CACNA2D3: variants seen among roughly 807,000 people sequenced by gnomAD.
The protein encoded by CACNA2D3 is calcium voltage-gated channel auxiliary subunit alpha2delta 3.
Under a neutral mutation model 160.6 loss-of-function variants are expected in CACNA2D3, and 60 were observed. The ratio of observed to expected loss-of-function variants is 0.37; its 90% CI spans 0.30 to 0.46. The LOEUF (loss-of-function observed/expected upper bound fraction) is 0.46. CACNA2D3 is among the 20% of genes least tolerant of loss of function. The pLI is 1.00. For missense variants in CACNA2D3, 1,205 were observed against 1,365.0 expected (o/e 0.88, Z 1.85); for synonymous variants, 558 against 492.9 (o/e 1.13, Z -1.75).
intron 29 of CACNA2D3, among the ~76,000 whole-genome samples, chr3:54,978,376 T>C (rs999223698): frequency 2.6e-5 from 4 of 152,136 alleles, no homozygotes; most frequent in African/African-American, 7.2e-5. Flanking sequence ...TTCAAGCTGA[T>C]AGGGGCAATG....
chr3:55,066,103 G>A (rs1258800443), intron 35 of CACNA2D3, among the ~76,000 whole-genome samples: 10 of 152,276 alleles, frequency 6.6e-5, no homozygotes, highest in Non-Finnish European at 1.5e-4. Context: ...TCCATGTAGG[G>A]AAACCTGGTG....
chr3:54,370,294 G>A (rs1401926280), intron 3 of CACNA2D3, among the ~76,000 whole-genome samples: 1 of 152,176 alleles, frequency 6.6e-6, no homozygotes, highest in Non-Finnish European at 1.5e-5. Flanking sequence ...TATTCACAAT[G>A]TAACACGCTT....
chr3:54,769,412 T>A (rs1417282929), intron 13 of CACNA2D3, among the ~76,000 whole-genome samples: 1 of 152,214 alleles, frequency 6.6e-6, no homozygotes, highest in African/African-American at 2.4e-5. Context: ...CTCTGGATTT[T>A]TTTTTAAGCA....
intron 15 of CACNA2D3, among the ~76,000 whole-genome samples, chr3:54,837,749 T>C (rs1374139771): frequency 6.6e-6 from 1 of 152,160 alleles, no homozygotes; most frequent in Non-Finnish European, 1.5e-5. Context: ...GCAGTGTCAC[T>C]CCAATCTCTG....
intron 4 of CACNA2D3, among the ~76,000 whole-genome samples, chr3:54,442,835 G>C (rs78046171): frequency 6.6e-6 from 1 of 152,150 alleles, no homozygotes; most frequent in African/African-American, 2.4e-5. Context: ...GAAACAGAGG[G>C]TCCTGTCGTA....
chr3:54,563,943 C>T (rs572169994), intron 6 of CACNA2D3, among the ~76,000 whole-genome samples: 2 of 152,282 alleles, frequency 1.3e-5, no homozygotes, highest in African/African-American at 4.8e-5. Context: ...TTCAGCATGG[C>T]ACACGTGCTT....
Position 54,478,660 on chromosome 3 carries a change from G to GTGTATGTATATATATATATA in CACNA2D3, c.382-24831_382-24830insGTATGTATATATATATATAT. Among the ~76,000 whole-genome samples, 8 of 36,384 alleles carry GTGTATGTATATATATATATA rather than the reference G, an allele frequency of 2.2e-4. 2 individuals are homozygous for GTGTATGTATATATATATATA. The highest frequency in any genetic ancestry group is 7.5e-4 in the Admixed American group (2 of 2,654). 23.9% of individuals were successfully genotyped at this position (36,384 alleles called of 152,430 possible). On this transcript the variant is annotated intron_variant, in intron 4 of 37. Transcript: ENST00000474759. ...AAAATATATATATAAATATGTGTGT[G>GTGTATGTATATATATATATA]TATATATATATATATATATTGCTTG...
At chr3:54,784,458 C>T (rs993134154) in intron 13 of CACNA2D3, among the ~76,000 whole-genome samples, 10 of 151,846 alleles carry the variant, frequency 6.6e-5, no homozygotes, top group Admixed American at 1.3e-4. Context: ...TTTTAATAAC[C>T]GAACTCTGTT....
chr3:54,918,354 T>G lies in CACNA2D3; in HGVS notation c.2449+18486T>G. ...TTTCTTTTTTTTTTTTTTTTTTTTT[T>G]TGTCTTTTGGCAAAAGCAAAATCAG... is the stretch of plus-strand genomic sequence containing the variant. On this transcript the variant is annotated intron_variant, in intron 27 of 37. Coordinates refer to ENST00000474759, the MANE Select transcript of CACNA2D3 (RefSeq NM_018398.3). 6 of 325,282 alleles carry G rather than the reference T, an allele frequency of 1.8e-5. 1 individual carries two copies. Among genetic ancestry groups the G allele is most frequent in the Non-Finnish European group, 3.1e-5 (6 of 195,118 alleles). 20.1% of individuals were successfully genotyped at this position (325,282 alleles called of 1,614,324 possible).
intron 3 of CACNA2D3, among the ~76,000 whole-genome samples, chr3:54,326,705 A>G (rs1704128136): frequency 6.6e-6 from 1 of 152,222 alleles, no homozygotes; most frequent in African/African-American, 2.4e-5. Context: ...AATATAGCCT[A>G]ACAGTGCCAG....
intron 11 of CACNA2D3, among the ~76,000 whole-genome samples, chr3:54,724,836 C>G (rs1351863129): frequency 6.6e-6 from 1 of 152,116 alleles, no homozygotes; most frequent in Non-Finnish European, 1.5e-5. Flanking sequence ...CTAAAATTGA[C>G]ACGCTAATAT....
chr3:54,294,992 A>G (rs766591332), intron 2 of CACNA2D3, among the ~76,000 whole-genome samples: 28 of 151,760 alleles, frequency 1.8e-4, no homozygotes, highest in Non-Finnish European at 4.0e-4. Flanking sequence ...CTACCTATTC[A>G]TTCTCATCCA....
intron 4 of CACNA2D3, among the ~76,000 whole-genome samples, chr3:54,448,688 C>T (rs1314644594): frequency 6.6e-6 from 1 of 152,226 alleles, no homozygotes; most frequent in Non-Finnish European, 1.5e-5. Context: ...GGCACCAATA[C>T]CCCATGATTA....
intron 4 of CACNA2D3, among the ~76,000 whole-genome samples, chr3:54,407,707 C>T (rs1699601428): frequency 6.6e-6 from 1 of 152,080 alleles, no homozygotes; most frequent in Non-Finnish European, 1.5e-5. Flanking sequence ...TTGGTGGTCA[C>T]ATGTTATGCT....
chr3:54,558,689 G>C (rs1028510332), intron 5 of CACNA2D3, among the ~76,000 whole-genome samples: 3 of 152,064 alleles, frequency 2.0e-5, no homozygotes, highest in Non-Finnish European at 4.4e-5. Flanking sequence ...CTGTTCCTCT[G>C]TTAATTCACT....
At chr3:54,932,773 G>C (rs1701223016) in intron 27 of CACNA2D3, among the ~76,000 whole-genome samples, 1 of 152,198 alleles carries the variant, frequency 6.6e-6, no homozygotes, top group Admixed American at 6.5e-5. Context: ...CCTGTCAACA[G>C]GCTCCTCATC....
Position 54,880,925 on chromosome 3 carries a change from C to G in CACNA2D3, c.1912+62C>G, listed in dbSNP as rs1273073269. 3.6e-6 allele frequency: 5 copies of G among 1,374,626 alleles called. No homozygotes were observed. The African/African-American group carries it at 7.1e-5, about 20-fold the overall frequency. The allele number at this position is 1,374,626 out of a possible 1,614,324, so 85.2% of individuals were successfully genotyped here. ...GGGAGGAAAGCTCGGGAGCTAGCTA[C>G]TGAGTTAGCTGAAGAACTTGTTCAT... is the stretch of plus-strand genomic sequence containing the variant. On this transcript the variant is annotated intron_variant, in intron 21 of 37. Coordinates refer to ENST00000474759, the MANE Select transcript of CACNA2D3 (RefSeq NM_018398.3).
chr3:54,952,438 C>G (rs1043018450), intron 27 of CACNA2D3, among the ~76,000 whole-genome samples: 1 of 152,042 alleles, frequency 6.6e-6, no homozygotes, highest in South Asian at 2.1e-4. Context: ...TTTTTGGGCT[C>G]TCAGAGACAG....
intron 4 of CACNA2D3, among the ~76,000 whole-genome samples, chr3:54,449,759 G>A (rs906201852): frequency 6.6e-6 from 1 of 152,126 alleles, no homozygotes; most frequent in Non-Finnish European, 1.5e-5. Context: ...CACCATGATT[G>A]TAAGTTTCCC....
Sources: allele counts gnomAD v4.1 joint callset (sites outside exome capture counted in the v4.1 genomes callset), GRCh38; gene constraint gnomAD v4.1.1; transcripts MANE v1.5; gene names NCBI Gene and HGNC (gene_info 2026-07-23, HGNC 2026-07-21).